Variants in CDK17 observed in about 807,000 individuals in gnomAD.
The protein encoded by CDK17 is cyclin dependent kinase 17.
A neutral mutation model predicts 77.6 loss-of-function variants in CDK17; 24 were observed. The observed-to-expected ratio is 0.31, with a 90% CI of 0.22 to 0.44. CDK17 has a LOEUF of 0.44. CDK17 is among the 20% of genes least tolerant of loss of function. CDK17 has a pLI of 1.00. For synonymous variants in CDK17, 203 were observed against 210.4 expected, an observed-to-expected ratio of 0.96 and a Z score of 0.30; for missense variants, 429 against 622.5, an observed-to-expected ratio of 0.69 and a Z score of 3.31.
intron 1 of CDK17, among the ~76,000 whole-genome samples, chr12:96,342,422 C>T (rs78719826): frequency 0.018 from 2,771 of 152,138 alleles, 52 homozygotes; most frequent in African/African-American, 0.056. Flanking sequence ...ATTAGCCAGG[C>T]GTGGTGGTGT....
chr12:96,311,088 G>A lies in CDK17; in HGVS notation c.507C>T (p.Asp169=), dbSNP rs745922333. ...TACGAGACCTTCGACTCATTGGTTG[G>A]TCAAATGGTGGACTGTTTATCTGCA... ...EKLQINSPPF[D]QPMSRRSRRA... Residue 169 remains aspartate, a synonymous_variant, in exon 5 of 17, where the codon GAC becomes GAT. Coordinates refer to ENST00000261211, the MANE Select transcript of CDK17 (RefSeq NM_002595.5). 10 of 1,602,812 alleles carry A rather than the reference G, an allele frequency of 6.2e-6. No homozygotes were observed. Among genetic ancestry groups the A allele is most frequent in the Non-Finnish European group, 8.5e-6 (10 of 1,176,696 alleles).
intron 3 of CDK17, among the ~76,000 whole-genome samples, chr12:96,316,264 G>T (rs1056887753): frequency 6.6e-6 from 1 of 152,096 alleles, no homozygotes; most frequent in African/African-American, 2.4e-5. Flanking sequence ...AAAAAACGGC[G>T]CACCACGAGA....
chr12:96,364,279 A>G (rs1252672493), intron 1 of CDK17, among the ~76,000 whole-genome samples: 4 of 152,222 alleles, frequency 2.6e-5, no homozygotes, highest in Non-Finnish European at 2.9e-5. Flanking sequence ...AAAATACCTG[A>G]GTAAAACTGC....
At chr12:96,292,467 G>A (rs558927869) in intron 10 of CDK17, among the ~76,000 whole-genome samples, 3 of 152,108 alleles carry the variant, frequency 2.0e-5, no homozygotes, top group East Asian at 1.9e-4. Flanking sequence ...TTAGCTGGGC[G>A]TGGTGGGCAC....
intron 1 of CDK17, among the ~76,000 whole-genome samples, chr12:96,362,882 G>A (rs965525339): frequency 5.3e-5 from 8 of 152,166 alleles, no homozygotes; most frequent in African/African-American, 1.9e-4. Flanking sequence ...GGAGTTAGGG[G>A]GATGGAGGGT....
intron 1 of CDK17, among the ~76,000 whole-genome samples, chr12:96,382,553 A>G (rs2137230142): frequency 6.6e-6 from 1 of 152,198 alleles, no homozygotes; most frequent in South Asian, 2.1e-4. Flanking sequence ...CAGAGATACA[A>G]TGAAAAAAGA....
intron 1 of CDK17, among the ~76,000 whole-genome samples, chr12:96,377,709 T>G (rs1953805461): frequency 6.6e-6 from 1 of 150,458 alleles, no homozygotes; most frequent in Non-Finnish European, 1.5e-5. Context: ...TTTTTTTTTT[T>G]TTGAGATGGA....
At chr12:96,322,803 T>C (rs570083062) in intron 3 of CDK17, among the ~76,000 whole-genome samples, 3 of 152,258 alleles carry the variant, frequency 2.0e-5, no homozygotes, top group East Asian at 1.9e-4. Context: ...TGTAAACTTA[T>C]ATAATTTAAA....
chr12:96,375,445 A>C (rs1953762772), intron 1 of CDK17, among the ~76,000 whole-genome samples: 1 of 150,098 alleles, frequency 6.7e-6, no homozygotes, highest in East Asian at 2.0e-4. Flanking sequence ...CTCCTTAGGC[A>C]AGCTCATTCT....
chr12:96,310,814 A>G (rs1168259731), intron 5 of CDK17, among the ~76,000 whole-genome samples: 1 of 150,714 alleles, frequency 6.6e-6, no homozygotes, highest in Non-Finnish European at 1.5e-5. Flanking sequence ...TGTATTAATA[A>G]CATTTACCAA....
intron 1 of CDK17, among the ~76,000 whole-genome samples, chr12:96,391,455 A>G (rs1187432769): frequency 8.5e-6 from 1 of 117,752 alleles, no homozygotes; most frequent in Non-Finnish European, 1.7e-5. Context: ...ACGCCCGGCT[A>G]ATTTTTTGTA....
At chr12:96,342,495 G>C (rs1284754623) in intron 1 of CDK17, among the ~76,000 whole-genome samples, 1 of 152,130 alleles carries the variant, frequency 6.6e-6, no homozygotes, top group Non-Finnish European at 1.5e-5. Context: ...CTGGGAGGTG[G>C]AGGTTGCAAT....
rs1182198116 is a variant in CDK17 at position 96,365,831 on chromosome 12, T to TAGG, written c.-29-30969_-29-30967dup. 2.5e-4 allele frequency among the ~76,000 whole-genome samples: 38 copies of TAGG among 152,312 alleles called. 1 individual carries two copies. The highest frequency in any genetic ancestry group is 5.9e-5 in the Non-Finnish European group (4 of 68,024). Reference sequence around the variant, plus strand: ...CTGAGGTGGGGAGACTGTTTGAGCCTAGGAGTTCAAGACCAGCTGGACAGC... The same window carrying TAGG: ...CTGAGGTGGGGAGACTGTTTGAGCCTAGGAGGAGTTCAAGACCAGCTGGACAGC... On this transcript the variant is annotated intron_variant, in intron 1 of 16. Transcript: ENST00000261211.
At chr12:96,334,937 T>A (rs1412333845) in intron 1 of CDK17, 72 bp from the exon 2 acceptor site, 2 of 709,068 alleles carry the variant, frequency 2.8e-6, no homozygotes, top group Non-Finnish European at 5.1e-6. Flanking sequence ...CCGCCTGGGT[T>A]TACTGGAAAT....
At chr12:96,337,935 G>A (rs1199006703) in intron 1 of CDK17, among the ~76,000 whole-genome samples, 1 of 152,138 alleles carries the variant, frequency 6.6e-6, no homozygotes, top group Non-Finnish European at 1.5e-5. Flanking sequence ...CCGAGCCCTT[G>A]GAATATCCTG....
chr12:96,298,838 G>T, intron 7 of CDK17, 31 bp downstream of exon 7: 2 of 1,182,244 alleles, frequency 1.7e-6, no homozygotes, highest in South Asian at 1.4e-5. Flanking sequence ...CCACCACTTT[G>T]ATTTTAAAAT....
At chr12:96,349,946 G>T (rs1204794726) in intron 1 of CDK17, among the ~76,000 whole-genome samples, 1 of 152,166 alleles carries the variant, frequency 6.6e-6, no homozygotes, top group East Asian at 1.9e-4. Flanking sequence ...AAACTGCCAT[G>T]ATGAAATCAG....
At chr12:96,281,574 G>A (rs1952178740) in intron 15 of CDK17, among the ~76,000 whole-genome samples, 1 of 152,184 alleles carries the variant, frequency 6.6e-6, no homozygotes, top group Non-Finnish European at 1.5e-5. Flanking sequence ...TCCCCATGTT[G>A]GTCAGCCTGG....
chr12:96,398,837 TAGAAC>T (rs1351915463), intron 1 of CDK17, among the ~76,000 whole-genome samples: 1 of 152,202 alleles, frequency 6.6e-6, no homozygotes, highest in Non-Finnish European at 1.5e-5. Context: ...GAAGAGGTGA[TAGAAC>T]ATGACCAACG....
Sources: gnomAD v4.1 joint callset for allele counts (sites outside exome capture counted in the v4.1 genomes callset) on GRCh38, gnomAD v4.1.1 for gene constraint, MANE v1.5 for transcripts, NCBI Gene and HGNC (gene_info 2026-07-23, HGNC 2026-07-21) for gene names.